HMGXB4: variants seen among roughly 807,000 people sequenced by gnomAD.
HMGXB4 encodes HMG domain-containing protein 4.
Under a neutral mutation model 63.9 loss-of-function variants are expected in HMGXB4, and 27 were observed. The observed-to-expected ratio is 0.42, with a 90% confidence interval of 0.31 to 0.58. The LOEUF (loss-of-function observed/expected upper bound fraction) is 0.58, where lower values mean the gene tolerates loss of function less well. Ranked by LOEUF, HMGXB4 falls within the 20% of genes least tolerant of loss-of-function variation. The probability of loss-of-function intolerance (pLI) is 0.13; values close to 1 mark genes in which losing one functional copy is unlikely to be tolerated. For missense variants in HMGXB4, 624 were observed against 700.7 expected (o/e 0.89, Z 1.24); for synonymous variants, 264 against 265.3 (o/e 0.99, Z 0.05).
rs778360774 is a variant in HMGXB4, at chr22:35,265,187, T to C, written c.799T>C (p.Cys267Arg). ...ACATTCATCTCCTGGCCCTGAAGGC[T>C]GTGGGTCTGACGCCTCCCAGTTCGC... Reference protein sequence around the residue: ...DAHSSPGPEGCGSDASQFAES... With the variant: ...DAHSSPGPEGRGSDASQFAES... Residue 267 changes from cysteine to arginine, a missense_variant, in exon 5 of 11, where the codon TGT becomes CGT. Transcript: ENST00000216106. 18 of 1,613,948 alleles carry C rather than the reference T, an allele frequency of 1.1e-5. No homozygotes were observed. Among genetic ancestry groups the C allele is most frequent in the Non-Finnish European group, 1.5e-5 (18 of 1,180,008 alleles).
the HMGXB4 span, among the ~76,000 whole-genome samples, chr22:35,248,550 G>A: frequency 9.9e-4 from 151 of 151,936 alleles, 1 homozygote; most frequent in African/African-American, 3.3e-3. Flanking sequence ...GACTACAGGC[G>A]CTCGCCACCA....
chr22:35,277,049 C>T (rs962512555), intron 5 of HMGXB4, among the ~76,000 whole-genome samples: 1 of 152,182 alleles, frequency 6.6e-6, no homozygotes, highest in Non-Finnish European at 1.5e-5. Flanking sequence ...CAATTTAAAA[C>T]AACATCCATT....
At chr22:35,260,945 A>C (rs548588272) in intron 1 of HMGXB4, among the ~76,000 whole-genome samples, 1 of 152,236 alleles carries the variant, frequency 6.6e-6, no homozygotes, top group South Asian at 2.1e-4. Context: ...GGAATTAGTA[A>C]TGTGTCATTT....
At chr22:35,283,423 T>G (rs2145563171) in intron 5 of HMGXB4, among the ~76,000 whole-genome samples, 1 of 152,262 alleles carries the variant, frequency 6.6e-6, no homozygotes, top group African/African-American at 2.4e-5. Flanking sequence ...TACAAGTAAT[T>G]TAGCATGTGG....
intron 1 of HMGXB4, 90 bp from the exon 2 acceptor site, chr22:35,262,233 G>A (rs1269648402): frequency 1.1e-5 from 8 of 718,818 alleles, no homozygotes; most frequent in Non-Finnish European, 1.7e-5. Flanking sequence ...CTTCCAGTCA[G>A]CCCTTGGATC....
At chr22:35,282,263 A>T (rs2179050) in intron 5 of HMGXB4, among the ~76,000 whole-genome samples, 1 of 151,816 alleles carries the variant, frequency 6.6e-6, no homozygotes, top group African/African-American at 2.4e-5. Context: ...TGCAAGCTCC[A>T]CCTCCCGGGT....
At chr22:35,269,591 A>G (rs1262167911) in intron 5 of HMGXB4, among the ~76,000 whole-genome samples, 2 of 152,238 alleles carry the variant, frequency 1.3e-5, no homozygotes, top group Non-Finnish European at 2.9e-5. Context: ...CAAATTGTAG[A>G]GAATCTTAAA....
chr22:35,282,901 A>G (rs1924353034), intron 5 of HMGXB4, among the ~76,000 whole-genome samples: 1 of 152,382 alleles, frequency 6.6e-6, no homozygotes, highest in African/African-American at 2.4e-5. Flanking sequence ...TATAATTGTG[A>G]AATGGAATGC....
At chr22:35,247,588 A>G in the HMGXB4 span, among the ~76,000 whole-genome samples, 1 of 151,556 alleles carries the variant, frequency 6.6e-6, no homozygotes, top group Non-Finnish European at 1.5e-5. Flanking sequence ...CAGAGATACC[A>G]TGGGGCTCCA....
chr22:35,261,233 C>G (rs1922828715), intron 1 of HMGXB4, among the ~76,000 whole-genome samples: 1 of 152,044 alleles, frequency 6.6e-6, no homozygotes. Flanking sequence ...GTCAAGAGTT[C>G]AAGACCAGCC....
At chr22:35,267,146 G>A (rs376943529) in intron 5 of HMGXB4, among the ~76,000 whole-genome samples, 725 of 4,336 alleles carry the variant, frequency 0.17, 7 homozygotes, top group African/African-American at 0.3. Flanking sequence ...ATGTGTGTGT[G>A]TATATATAAT....
chr22:35,245,329 ATT>A, the HMGXB4 span, among the ~76,000 whole-genome samples: 653 of 119,630 alleles, frequency 5.5e-3, 7 homozygotes, highest in African/African-American at 0.02. Context: ...GAAACTTTCT[ATT>A]TTTTTTTTTT....
In HMGXB4 at chr22:35,264,734, A is replaced by G. The variant is rs762543591; in HGVS notation, c.346A>G (p.Ile116Val). 3.1e-6 allele frequency: 5 copies of G among 1,614,138 alleles called. No individual in the cohort carries two copies. Among genetic ancestry groups the G allele is most frequent in the Non-Finnish European group, 4.2e-6 (5 of 1,179,948 alleles). Residue 116 changes from isoleucine to valine, a missense_variant, in exon 5 of 11, where the codon ATC (isoleucine) becomes GTC (valine). By Grantham distance (29) the Ile-to-Val change is conservative (BLOSUM62 3). Transcript: ENST00000216106. ...TDTAMDLLKAITSPLAAGSKP... is the reference protein window; with the variant it reads ...TDTAMDLLKAVTSPLAAGSKP... ...TACAGCTATGGACCTGTTGAAAGCT[A>G]TCACTTCCCCACTGGCAGCAGGCTC...
chr22:35,280,755 C>G (rs959647974), intron 5 of HMGXB4, among the ~76,000 whole-genome samples: 1 of 152,216 alleles, frequency 6.6e-6, no homozygotes, highest in African/African-American at 2.4e-5. Context: ...TCTCTTACCT[C>G]TCTCTTCTTT....
Position 35,287,393 on chromosome 22 carries a change from C to A in HMGXB4, c.1409C>A (p.Ala470Glu). The change falls in exon 8 of 11, where the codon GCA (alanine) becomes GAA (glutamate). Residue 470 changes from alanine to glutamate, a missense_variant. By Grantham distance (107) the Ala-to-Glu change is moderately radical. This residue lies in a region of HMGXB4 where 152 missense variants were observed against 230.1 expected (regional missense o/e 0.66). Transcript: ENST00000216106. ...AQYLQHKQNK[A>E]EATTVKRKAS... is the part of the protein sequence containing the mutation. Reference sequence around the variant, plus strand: ...TATCTGCAGCACAAACAGAACAAAGCAGAAGCCACAACTGTGAAAAGGAAA... The same window carrying A: ...TATCTGCAGCACAAACAGAACAAAGAAGAAGCCACAACTGTGAAAAGGAAA... 1 of 1,613,636 alleles carries A rather than the reference C, an allele frequency of 6.2e-7. No individual in the cohort carries two copies. Among genetic ancestry groups the A allele is most frequent in the Non-Finnish European group, 8.5e-7 (1 of 1,179,682 alleles).
chr22:35,251,124 G>T, the HMGXB4 span, among the ~76,000 whole-genome samples: 2 of 151,398 alleles, frequency 1.3e-5, no homozygotes, highest in African/African-American at 4.9e-5. Context: ...ACCCAGGCTA[G>T]AGTGCAGTGG....
At chr22:35,268,642 T>G (rs1422137194) in intron 5 of HMGXB4, among the ~76,000 whole-genome samples, 2 of 152,218 alleles carry the variant, frequency 1.3e-5, no homozygotes, top group African/African-American at 4.8e-5. Context: ...GTGTATAACC[T>G]GCCATCTGGC....
At chr22:35,276,024 C>T (rs975285396) in intron 5 of HMGXB4, among the ~76,000 whole-genome samples, 25 of 152,172 alleles carry the variant, frequency 1.6e-4, no homozygotes, top group African/African-American at 5.8e-4. Context: ...TTTGGAATCT[C>T]ATGGAAATGT....
chr22:35,249,813 G>A, the HMGXB4 span: 1 of 96,608 alleles, frequency 1.0e-5, no homozygotes, highest in Non-Finnish European at 2.9e-5. Flanking sequence ...CAGGTTTTCC[G>A]GTCTTCACCA....
Sources: allele counts gnomAD v4.1 joint callset (sites outside exome capture counted in the v4.1 genomes callset), GRCh38; gene constraint gnomAD v4.1.1; regional missense constraint gnomAD v4.1.1; transcripts MANE v1.5; gene names NCBI Gene and HGNC (gene_info 2026-07-23, HGNC 2026-07-21).